CACNA2D3: variants seen among roughly 807,000 people sequenced by gnomAD.
The protein encoded by CACNA2D3 is voltage-dependent calcium channel subunit alpha-2/delta-3.
In CACNA2D3, 60 loss-of-function variants were observed where a neutral mutation model predicts 160.6. The observed-to-expected ratio is 0.37, with a 90% CI of 0.30 to 0.46. The LOEUF (loss-of-function observed/expected upper bound fraction) is 0.46, where lower values mean the gene tolerates loss of function less well. Ranked by LOEUF, CACNA2D3 falls within the 20% of genes least tolerant of loss-of-function variation. The pLI is 1.00. For synonymous variants in CACNA2D3, 558 were observed against 492.9 expected (o/e 1.13, Z -1.75); for missense variants, 1,205 against 1,365.0 (o/e 0.88, Z 1.85).
At chr3:54,994,058 C>T (rs568707483) in intron 31 of CACNA2D3, among the ~76,000 whole-genome samples, 7 of 152,234 alleles carry the variant, frequency 4.6e-5, no homozygotes, top group Middle Eastern at 3.4e-3. Flanking sequence ...CTTGTCGCTG[C>T]ACCCCACAAG....
At chr3:55,071,546 A>G (rs1704808053) in intron 35 of CACNA2D3, among the ~76,000 whole-genome samples, 1 of 152,030 alleles carries the variant, frequency 6.6e-6, no homozygotes. Flanking sequence ...TTTCCTCAGA[A>G]CTTCTTTAAA....
At chr3:55,033,515 G>A (rs1317406870) in intron 35 of CACNA2D3, among the ~76,000 whole-genome samples, 1 of 148,824 alleles carries the variant, frequency 6.7e-6, no homozygotes, top group Non-Finnish European at 1.5e-5. Context: ...ATAACACAGT[G>A]TATATATTGT....
chr3:54,361,398 A>G (rs1025933032), intron 3 of CACNA2D3, among the ~76,000 whole-genome samples: 1 of 152,140 alleles, frequency 6.6e-6, no homozygotes, highest in African/African-American at 2.4e-5. Context: ...TTGCAAAGGA[A>G]GTATCTAAGA....
chr3:54,503,027 A>G (rs970071544), intron 4 of CACNA2D3, among the ~76,000 whole-genome samples: 7 of 152,150 alleles, frequency 4.6e-5, no homozygotes, highest in Admixed American at 3.9e-4. Flanking sequence ...CTCAAACACC[A>G]TGTATAAACA....
chr3:54,417,871 G>A (rs551319359), intron 4 of CACNA2D3, among the ~76,000 whole-genome samples: 47 of 151,956 alleles, frequency 3.1e-4, no homozygotes, highest in African/African-American at 9.7e-4. Flanking sequence ...ACTACAGCCC[G>A]GACCTCCCAG....
intron 9 of CACNA2D3, among the ~76,000 whole-genome samples, chr3:54,609,924 A>G (rs1255319823): frequency 6.6e-6 from 1 of 152,236 alleles, no homozygotes; most frequent in African/African-American, 2.4e-5. Flanking sequence ...ATTGTCTTAC[A>G]GTTCTGGAGG....
chr3:54,906,595 C>T (rs2106901442), intron 27 of CACNA2D3, among the ~76,000 whole-genome samples: 1 of 152,316 alleles, frequency 6.6e-6, no homozygotes, highest in South Asian at 2.1e-4. Context: ...TGCTGTGAGA[C>T]CTGAATGAGT....
chr3:54,325,860 T>C (rs2107512954), intron 3 of CACNA2D3, among the ~76,000 whole-genome samples: 1 of 152,308 alleles, frequency 6.6e-6, no homozygotes, highest in South Asian at 2.1e-4. Context: ...GTAAATAAAC[T>C]TAATGTTGTT....
At chr3:54,466,158 C>G (rs1700621955) in intron 4 of CACNA2D3, among the ~76,000 whole-genome samples, 1 of 152,184 alleles carries the variant, frequency 6.6e-6, no homozygotes, top group Non-Finnish European at 1.5e-5. Flanking sequence ...TGACTCAAGA[C>G]TTTAATTTCA....
chr3:54,294,491 A>T (rs1410182586), intron 2 of CACNA2D3, among the ~76,000 whole-genome samples: 1 of 152,110 alleles, frequency 6.6e-6, no homozygotes, highest in Non-Finnish European at 1.5e-5. Context: ...TGCTGGAGCC[A>T]CTGTGGGAGG....
At chr3:54,997,882 C>T (rs542728979) in intron 31 of CACNA2D3, among the ~76,000 whole-genome samples, 1 of 152,118 alleles carries the variant, frequency 6.6e-6, no homozygotes, top group Non-Finnish European at 1.5e-5. Flanking sequence ...TCGATGAGGC[C>T]TCATCAGAGG....
chr3:54,306,742 G>C (rs1262374822), intron 2 of CACNA2D3, among the ~76,000 whole-genome samples: 1 of 152,202 alleles, frequency 6.6e-6, no homozygotes, highest in African/African-American at 2.4e-5. Flanking sequence ...CTGAGTGTGT[G>C]GTGCCTGGAA....
At chr3:54,712,643 A>G (rs921500034) in intron 11 of CACNA2D3, among the ~76,000 whole-genome samples, 1 of 152,174 alleles carries the variant, frequency 6.6e-6, no homozygotes, top group African/African-American at 2.4e-5. Flanking sequence ...TATTTTGTAA[A>G]TTGCCCAGTC....
At chr3:54,169,882 C>CCTCACT (rs1273539488) in intron 2 of CACNA2D3, among the ~76,000 whole-genome samples, 2 of 152,004 alleles carry the variant, frequency 1.3e-5, no homozygotes, top group African/African-American at 4.8e-5. Flanking sequence ...AATGATTTTT[C>CCTCACT]CAGGTCAAGA....
intron 2 of CACNA2D3, among the ~76,000 whole-genome samples, chr3:54,194,962 C>A (rs1701052041): frequency 6.6e-6 from 1 of 152,190 alleles, no homozygotes; most frequent in Non-Finnish European, 1.5e-5. Context: ...GGGCCTCCTG[C>A]CTGGCTTTTC....
rs961142327 is a variant in CACNA2D3, at chr3:55,017,713, A to C, written c.2876-493A>C. On this transcript the variant is annotated intron_variant, in intron 34 of 37. Coordinates refer to ENST00000474759, the MANE Select transcript of CACNA2D3 (RefSeq NM_018398.3). Reference sequence around the variant, plus strand: ...AAATTGACATGTTGTATTATTGGACAGAGAGCTTCATAATAGTAGGATTTG... The same window carrying C: ...AAATTGACATGTTGTATTATTGGACCGAGAGCTTCATAATAGTAGGATTTG... 4.6e-5 allele frequency among the ~76,000 whole-genome samples: 7 copies of C among 152,342 alleles called. No homozygotes were observed. In the East Asian group the frequency reaches 9.6e-4, roughly 21 times the overall value.
At chr3:54,996,092 A>T (rs1482757807) in intron 31 of CACNA2D3, among the ~76,000 whole-genome samples, 1 of 152,230 alleles carries the variant, frequency 6.6e-6, no homozygotes. Flanking sequence ...ACTCAGAGGT[A>T]CTAACATTTA....
rs1553905175 is a variant in CACNA2D3, at chr3:54,885,646, A to G, written c.2056+60A>G. The G allele has an allele frequency of 7.3e-6, 10 of 1,360,730 alleles. No homozygotes were observed. The South Asian group carries it at 7.4e-5, about 10-fold the overall frequency. The allele number at this position is 1,360,730 out of a possible 1,614,324, so 84.3% of individuals were successfully genotyped here. On this transcript the variant is annotated intron_variant, in intron 23 of 37. Transcript: ENST00000474759. ...GGGGTGATGGTGGGGAATGAACTCAAAACATTTTTTGGCCTCACTTGTTAA... is the reference window on the plus strand; with the variant it reads ...GGGGTGATGGTGGGGAATGAACTCAGAACATTTTTTGGCCTCACTTGTTAA...
chr3:54,984,481 GA>G (rs1702572592), intron 29 of CACNA2D3, 126 bp from the exon 30 acceptor site: 1 of 662,846 alleles, frequency 1.5e-6, no homozygotes, highest in Non-Finnish European at 2.6e-6. Flanking sequence ...GCAATTGCCT[GA>G]AAACAATTGC....
Sources: allele counts gnomAD v4.1 joint callset (sites outside exome capture counted in the v4.1 genomes callset), GRCh38; gene constraint gnomAD v4.1.1; transcripts MANE v1.5; gene names NCBI Gene and HGNC (gene_info 2026-07-23, HGNC 2026-07-21).